Variants in FRAS1 observed in about 807,000 individuals in gnomAD.
FRAS1 encodes the protein Fraser extracellular matrix complex subunit 1, also known as extracellular matrix organizing protein FRAS1.
A neutral mutation model predicts 435.2 loss-of-function variants in FRAS1; 290 were observed. The ratio of observed to expected loss-of-function variants is 0.67; its 90% confidence interval spans 0.61 to 0.73. The LOEUF is 0.73. Ranked by LOEUF, FRAS1 falls within the 30% of genes least tolerant of loss-of-function variation. FRAS1 has a pLI of 0.00. For synonymous variants in FRAS1, 1,800 were observed against 1,851.0 expected, an observed-to-expected ratio of 0.97 and a Z score of 0.71; for missense variants, 4,860 against 5,001.5, an observed-to-expected ratio of 0.97 and a Z score of 0.85.
chr4:78,461,634 C>T (rs1332737302), intron 47 of FRAS1, among the ~76,000 whole-genome samples: 1 of 152,148 alleles, frequency 6.6e-6, no homozygotes, highest in Admixed American at 6.5e-5. Context: ...CCAGCTCTCT[C>T]GTGCAATATA....
At chr4:78,084,922 A>G (rs1003643952) in intron 2 of FRAS1, among the ~76,000 whole-genome samples, 1 of 152,104 alleles carries the variant, frequency 6.6e-6, no homozygotes, top group Non-Finnish European at 1.5e-5. Flanking sequence ...AAAATTTAGA[A>G]TTATTTTTAT....
At chr4:78,220,783 G>C (rs1724018395) in intron 2 of FRAS1, among the ~76,000 whole-genome samples, 1 of 152,112 alleles carries the variant, frequency 6.6e-6, no homozygotes, top group Admixed American at 6.5e-5. Flanking sequence ...CTCATCTCAA[G>C]AATACAGACA....
At chr4:78,320,576 T>C (rs985271238) in intron 18 of FRAS1, among the ~76,000 whole-genome samples, 6 of 152,138 alleles carry the variant, frequency 3.9e-5, no homozygotes, top group Admixed American at 3.9e-4. Context: ...AAAATTATTA[T>C]AGTGCCTAGC....
intron 34 of FRAS1, 121 bp downstream of exon 34, chr4:78,422,121 C>A: frequency 9.6e-7 from 1 of 1,043,010 alleles, no homozygotes; most frequent in South Asian, 2.5e-5. Context: ...TCTAGCTATT[C>A]AAAATAGCTT....
At chr4:78,290,439 T>C (rs1180132570) in intron 14 of FRAS1, among the ~76,000 whole-genome samples, 1 of 150,188 alleles carries the variant, frequency 6.7e-6, no homozygotes, top group Non-Finnish European at 1.5e-5. Context: ...CCTGGTTTCT[T>C]TTTTTCTTTC....
intron 6 of FRAS1, among the ~76,000 whole-genome samples, chr4:78,263,280 C>A (rs538315559): frequency 6.6e-6 from 1 of 152,014 alleles, no homozygotes; most frequent in African/African-American, 2.4e-5. Flanking sequence ...AAAATTTTTT[C>A]TTTAATGCTT....
intron 2 of FRAS1, among the ~76,000 whole-genome samples, chr4:78,227,812 G>A (rs1159152149): frequency 6.6e-6 from 1 of 152,192 alleles, no homozygotes. Context: ...CAGCAGCAAG[G>A]ATTTTCAAGG....
At chr4:78,113,281 C>T (rs902682405) in intron 2 of FRAS1, among the ~76,000 whole-genome samples, 10 of 151,986 alleles carry the variant, frequency 6.6e-5, no homozygotes, top group Non-Finnish European at 1.0e-4. Flanking sequence ...AGTGCCGCAA[C>T]AAACATAAGT....
At chr4:78,462,368 C>A (rs758059595) in intron 47 of FRAS1, among the ~76,000 whole-genome samples, 1 of 151,682 alleles carries the variant, frequency 6.6e-6, no homozygotes, top group Non-Finnish European at 1.5e-5. Flanking sequence ...AAGTGAGACC[C>A]TGTCTCAGAA....
In FRAS1 at chr4:78,123,697, C is replaced by T. The variant is rs960162717; in HGVS notation, c.108+57681C>T. On this transcript the variant is annotated intron_variant, in intron 2 of 73. Transcript: ENST00000512123. ...CTCCTTGAAGAGGTCCTTCACATCCCTTTTAAGTTGGATTCCTAGGTATTT... is the reference window on the plus strand; with the variant it reads ...CTCCTTGAAGAGGTCCTTCACATCCTTTTTAAGTTGGATTCCTAGGTATTT... 7.9e-5 allele frequency among the ~76,000 whole-genome samples: 12 copies of T among 152,240 alleles called. 1 individual carries two copies. The highest frequency in any genetic ancestry group is 2.6e-4 in the African/African-American group (11 of 41,538).
chr4:78,363,499 C>G lies in FRAS1; in HGVS notation c.2423-14C>G. On this transcript the variant is annotated splice_polypyrimidine_tract_variant and intron_variant, in intron 20 of 73. Coordinates refer to ENST00000512123, the MANE Select transcript of FRAS1 (RefSeq NM_025074.7). ...AGCACCCGTGCCTTCTCTGTGCTCCCCTTCCCCCTCCAGACTGCCATCACC... is the reference window on the plus strand; with the variant it reads ...AGCACCCGTGCCTTCTCTGTGCTCCGCTTCCCCCTCCAGACTGCCATCACC... 1 of 1,602,568 alleles carries G rather than the reference C, an allele frequency of 6.2e-7. No individual in the cohort carries two copies. The highest frequency in any genetic ancestry group is 8.5e-7 in the Non-Finnish European group (1 of 1,173,722).
At chr4:78,305,121 C>T (rs1728641923) in intron 14 of FRAS1, among the ~76,000 whole-genome samples, 1 of 151,830 alleles carries the variant, frequency 6.6e-6, no homozygotes, top group Non-Finnish European at 1.5e-5. Context: ...TGTTATGTAC[C>T]CAGTAGTCAT....
intron 20 of FRAS1, among the ~76,000 whole-genome samples, chr4:78,358,023 G>C (rs1487180743): frequency 6.6e-6 from 1 of 152,058 alleles, no homozygotes; most frequent in Admixed American, 6.5e-5. Context: ...ATGCTTCCTG[G>C]TCCAATGGGG....
chr4:78,293,494 A>C (rs1727999516), intron 14 of FRAS1, among the ~76,000 whole-genome samples: 1 of 151,666 alleles, frequency 6.6e-6, no homozygotes, highest in Non-Finnish European at 1.5e-5. Flanking sequence ...ATAATTACAG[A>C]CTCTCTATTT....
At chr4:78,449,049 C>G (rs1392535103) in intron 44 of FRAS1, among the ~76,000 whole-genome samples, 1 of 152,172 alleles carries the variant, frequency 6.6e-6, no homozygotes, top group African/African-American at 2.4e-5. Context: ...AATATCAAGT[C>G]TGAGATTTGA....
In FRAS1 at chr4:78,093,499, T is replaced by C. The variant is rs1741636855; in HGVS notation, c.108+27483T>C. On this transcript the variant is annotated intron_variant, in intron 2 of 73. Coordinates refer to ENST00000512123, the MANE Select transcript of FRAS1 (RefSeq NM_025074.7). ...TTAATATCTAGTCTCATAAAAACCT[T>C]ATTAAGATTTCAGAAGAGCAGAAGA... 2.6e-5 allele frequency among the ~76,000 whole-genome samples: 4 copies of C among 152,318 alleles called. No individual in the cohort carries two copies. In the South Asian group the frequency reaches 8.3e-4, roughly 32 times the overall value.
intron 23 of FRAS1, among the ~76,000 whole-genome samples, chr4:78,372,280 G>A (rs768807731): frequency 2.0e-5 from 3 of 152,184 alleles, no homozygotes; most frequent in Non-Finnish European, 4.4e-5. Context: ...GGTGGCAGCA[G>A]ATGCATTCTT....
At chr4:78,108,829 T>C (rs1206072158) in intron 2 of FRAS1, among the ~76,000 whole-genome samples, 1 of 124,450 alleles carries the variant, frequency 8.0e-6, no homozygotes, top group East Asian at 2.1e-4. Flanking sequence ...TTTGAAAGGA[T>C]CAACAAAATT....
intron 55 of FRAS1, 150 bp downstream of exon 55, chr4:78,478,211 G>T: frequency 1.1e-6 from 1 of 872,778 alleles, no homozygotes; most frequent in Non-Finnish European, 1.7e-6. Flanking sequence ...CAACAACCCT[G>T]ATGATGATTC....
Sources: allele counts gnomAD v4.1 joint callset (sites outside exome capture counted in the v4.1 genomes callset), GRCh38; gene constraint gnomAD v4.1.1; transcripts MANE v1.5; gene names NCBI Gene and HGNC (gene_info 2026-07-23, HGNC 2026-07-21).